GET1: variants seen among roughly 807,000 people sequenced by gnomAD.
GET1 encodes congenital heart disease 5 protein.
GET1 carries 20 observed loss-of-function variants against 22.6 expected under a neutral mutation model. That is an observed-to-expected ratio of 0.89 (90% CI 0.62 to 1.29). The LOEUF is 1.29. GET1 is among the 50% of genes most tolerant of loss of function. The pLI is 0.00. For missense variants in GET1, 209 were observed against 219.9 expected (o/e 0.95, Z 0.31); for synonymous variants, 92 against 83.8 (o/e 1.10, Z -0.53).
intron 1 of GET1, chr21:39,426,113 C>A (rs1321746413): frequency 2.6e-5 from 4 of 152,184 alleles, no homozygotes; most frequent in African/African-American, 9.7e-5. Flanking sequence ...GTCCCTGCCC[C>A]CTCATATTCC....
intron 1 of GET1, chr21:39,420,594 C>G: frequency 1.2e-6 from 1 of 805,212 alleles, no homozygotes; most frequent in Non-Finnish European, 1.9e-6. Flanking sequence ...GGTAGAGGAG[C>G]CTTATATATG....
At chr21:39,414,756 G>C (rs1383828624) in intron 1 of GET1, among the ~76,000 whole-genome samples, 21 of 149,702 alleles carry the variant, frequency 1.4e-4, no homozygotes, top group Admixed American at 4.6e-4. Flanking sequence ...GTGTGTGTGT[G>C]TGTGTGTGTG....
At chr21:39,417,236 C>T (rs2041361881) in intron 1 of GET1, among the ~76,000 whole-genome samples, 1 of 152,106 alleles carries the variant, frequency 6.6e-6, no homozygotes, top group African/African-American at 2.4e-5. Context: ...GATGGGGTTT[C>T]ACCATGTTGG....
At chr21:39,405,840 AG>A (rs1448215782) in intron 4 of GET1, 1 of 1,389,892 alleles carries the variant, frequency 7.2e-7, no homozygotes, top group Non-Finnish European at 9.7e-7. Flanking sequence ...GCACATAAGC[AG>A]CATTATATCA....
intron 1 of GET1, among the ~76,000 whole-genome samples, chr21:39,415,165 A>C (rs1337942822): frequency 3.3e-5 from 5 of 152,158 alleles, no homozygotes; most frequent in Non-Finnish European, 5.9e-5. Flanking sequence ...ACTTCCCAAA[A>C]AATGATGTAA....
chr21:39,383,520 G>C (rs2037698472), intron 1 of GET1, among the ~76,000 whole-genome samples: 2 of 151,942 alleles, frequency 1.3e-5, no homozygotes, highest in Admixed American at 6.6e-5. Context: ...GATCTCCGGT[G>C]ATCTGCCCAC....
chr21:39,399,132 C>G (rs773057115), downstream of GET1, among the ~76,000 whole-genome samples: 18 of 152,202 alleles, frequency 1.2e-4, no homozygotes, highest in Non-Finnish European at 1.9e-4. Flanking sequence ...CTCTTGTCCC[C>G]CAATTTCCCA....
intron 1 of GET1, 51 bp downstream of exon 1, chr21:39,380,537 C>T (rs557761341): frequency 3.8e-6 from 6 of 1,575,712 alleles, no homozygotes; most frequent in East Asian, 4.6e-5. Context: ...CGCCCCAGTC[C>T]CCCGGCGGGT....
At chr21:39,384,382 G>A (rs1210017766) in intron 1 of GET1, among the ~76,000 whole-genome samples, 1 of 151,516 alleles carries the variant, frequency 6.6e-6, no homozygotes, top group Non-Finnish European at 1.5e-5. Flanking sequence ...TTAGCCTCCC[G>A]AGTAGCTGGG....
At chr21:39,421,256 C>T (rs150025107) in intron 1 of GET1, among the ~76,000 whole-genome samples, 14 of 152,248 alleles carry the variant, frequency 9.2e-5, no homozygotes, top group African/African-American at 3.4e-4. Flanking sequence ...TGCACACCAC[C>T]ATGCCTGGAT....
At chr21:39,388,491 C>G (rs2038076772) in intron 1 of GET1, among the ~76,000 whole-genome samples, 1 of 152,224 alleles carries the variant, frequency 6.6e-6, no homozygotes, top group Non-Finnish European at 1.5e-5. Flanking sequence ...CTTCCCTTGA[C>G]TTTCATGGCT....
intron 1 of GET1, among the ~76,000 whole-genome samples, chr21:39,414,687 C>A (rs187400923): frequency 2.0e-5 from 3 of 148,720 alleles, no homozygotes; most frequent in Non-Finnish European, 4.4e-5. Context: ...TCATAAAAGG[C>A]AGTACTGCAT....
chr21:39,416,698 A>G (rs1188583858), intron 1 of GET1, among the ~76,000 whole-genome samples: 1 of 152,118 alleles, frequency 6.6e-6, no homozygotes, highest in Non-Finnish European at 1.5e-5. Context: ...CCAGTTCTCA[A>G]TGACAACACC....
chr21:39,394,380 T>G (rs1046446051), intron 4 of GET1, among the ~76,000 whole-genome samples: 1 of 152,188 alleles, frequency 6.6e-6, no homozygotes, highest in Admixed American at 6.5e-5. Flanking sequence ...TGCTGTGATA[T>G]GTTTTTCTTT....
Position 39,402,918 on chromosome 21 carries a change from TTAAGA to T in GET1, c.350-2994_350-2990del, listed in dbSNP as rs1353303798. On this transcript the variant is annotated intron_variant, in intron 4 of 4. Coordinates refer to the GET1 transcript ENST00000415847. The stretch of plus-strand genomic sequence containing the variant: ...CCCTCTAACTTTTTTATTCATACAG[TTAAGA>T]TGACTAGACAACAACAGGCTTAGAT... Among the ~76,000 whole-genome samples, 3 of 152,190 alleles carry T rather than the reference TTAAGA, an allele frequency of 2.0e-5. No homozygotes were observed. In the East Asian group the frequency reaches 5.8e-4, roughly 29 times the overall value.
intron 1 of GET1, among the ~76,000 whole-genome samples, chr21:39,419,523 C>CAAAAAAAAAAAAAAAAAAA (rs5843964): frequency 8.1e-6 from 1 of 123,544 alleles, no homozygotes; most frequent in Non-Finnish European, 1.6e-5. Flanking sequence ...AGACCCTGTT[C>CAAAAAAAAAAAAAAAAAAA]AAAAAAAAAA....
intron 1 of GET1, among the ~76,000 whole-genome samples, chr21:39,423,852 A>G (rs1016519131): frequency 2.0e-5 from 3 of 152,182 alleles, no homozygotes; most frequent in African/African-American, 7.2e-5. Flanking sequence ...TATAACAGCT[A>G]GACTAAAAGC....
downstream of GET1, chr21:39,410,185 C>A (rs893766994): frequency 1.6e-5 from 20 of 1,241,120 alleles, no homozygotes; most frequent in Non-Finnish European, 2.4e-5. Flanking sequence ...AAATACTTTT[C>A]ACATAGAACA....
chr21:39,396,738 C>A, intron 4 of GET1, 128 bp from the exon 5 acceptor site: 52 of 573,366 alleles, frequency 9.1e-5, no homozygotes, highest in South Asian at 2.0e-4. Context: ...GAAACATAAA[C>A]TTCACTTCAG....
Sources: allele counts gnomAD v4.1 joint callset (sites outside exome capture counted in the v4.1 genomes callset), GRCh38; gene constraint gnomAD v4.1.1; transcripts MANE v1.5; gene names NCBI Gene and HGNC (gene_info 2026-07-23, HGNC 2026-07-21).